MTMR14: variants seen among roughly 807,000 people sequenced by gnomAD.
MTMR14 encodes phosphatidylinositol-3,5-bisphosphate 3-phosphatase MTMR14.
MTMR14 carries 48 observed loss-of-function variants against 86.3 expected under a neutral mutation model. That is an observed-to-expected ratio of 0.56 (90% CI 0.44 to 0.71). The LOEUF (loss-of-function observed/expected upper bound fraction) is 0.71. MTMR14 is among the 30% of genes least tolerant of loss of function. The probability of loss-of-function intolerance (pLI) is 0.00; values close to 1 mark genes in which losing one functional copy is unlikely to be tolerated. For missense variants in MTMR14, 780 were observed against 834.6 expected (o/e 0.93, Z 0.81); for synonymous variants, 366 against 326.1 (o/e 1.12, Z -1.32).
Position 9,702,156 on chromosome 3 carries a change from C to CAAGAGGCTGGGGGT in MTMR14, c.*183_*184insAAGAGGCTGGGGGT. ...AAGACAGGGTTTTCCAACCCCCAGC[C>CAAGAGGCTGGGGGT]TCTTGACTGGTGACCACCACCCCTT... On this transcript the variant is annotated 3_prime_UTR_variant, in exon 19 of 19. Transcript: ENST00000296003. 1.4e-6 allele frequency: 1 copy of CAAGAGGCTGGGGGT among 735,544 alleles called. No individual in the cohort carries two copies. The highest frequency in any genetic ancestry group is 2.3e-6 in the Non-Finnish European group (1 of 434,238). 45.6% of individuals were successfully genotyped at this position (735,544 alleles called of 1,614,324 possible). A position where few individuals can be genotyped will look rare whatever the true frequency, so the allele number is the denominator to read the frequency against.
In MTMR14 at chr3:9,697,729, G is replaced by C; in HGVS notation, c.1632G>C (p.Leu544=). ...GCCCCAGATCAGTGGACCATCCCCT[G>C]CCCGGATCCTCTCTCTCCACAGACT... ...VPKPRSVDHP[L]PGSSLSTDYG... The change falls in exon 18 of 19, where the codon CTG becomes CTC. Residue 544 remains leucine, a synonymous_variant. Coordinates refer to ENST00000296003, the MANE Select transcript of MTMR14 (RefSeq NM_001077525.3). 1 of 1,614,060 alleles carries C rather than the reference G, an allele frequency of 6.2e-7. No homozygotes were observed. The highest frequency in any genetic ancestry group is 1.7e-5 in the Admixed American group (1 of 60,004).
chr3:9,685,144 G>A (rs1007674050), intron 12 of MTMR14, 67 bp from the exon 13 acceptor site: 3 of 1,604,760 alleles, frequency 1.9e-6, no homozygotes, highest in Non-Finnish European at 1.7e-6. Context: ...TGTGTCTGGT[G>A]ACCCTGTCCT....
intron 10 of MTMR14, 131 bp downstream of exon 10, chr3:9,683,375 T>G (rs988462168): frequency 7.1e-6 from 6 of 845,622 alleles, no homozygotes; most frequent in Non-Finnish European, 1.2e-5. Context: ...ATTTGGGGAG[T>G]TCCTAGAATC....
intron 9 of MTMR14, among the ~76,000 whole-genome samples, chr3:9,679,666 C>A (rs1029976520): frequency 6.6e-6 from 1 of 152,220 alleles, no homozygotes; most frequent in Admixed American, 6.5e-5. Flanking sequence ...AACAGATGAC[C>A]TCACTTCCCC....
In MTMR14 at chr3:9,687,985, C is replaced by A. The variant is rs949730897; in HGVS notation, c.1235+94C>A. ...AGAGGCTGACCACCTCATTCCCGCC[C>A]TGCCTCCCTGCTTGTTGGGCTGGTG... On this transcript the variant is annotated intron_variant, in intron 14 of 18. Coordinates refer to ENST00000296003, the MANE Select transcript of MTMR14 (RefSeq NM_001077525.3). 8.5e-6 allele frequency: 9 copies of A among 1,059,570 alleles called. No individual in the cohort carries two copies. The Admixed American group carries it at 1.2e-4, about 14-fold the overall frequency. The allele number at this position is 1,059,570 out of a possible 1,614,324, so 65.6% of individuals were successfully genotyped here.
chr3:9,653,542 T>TC (rs2047429532), intron 1 of MTMR14, 79 bp from the exon 2 acceptor site: 1 of 1,583,892 alleles, frequency 6.3e-7, no homozygotes, highest in Non-Finnish European at 8.7e-7. Context: ...CCCAGTGACC[T>TC]CTTAGGCCAT....
At chr3:9,659,503 G>T (rs537755987) in intron 2 of MTMR14, 55 of 326,184 alleles carry the variant, frequency 1.7e-4, no homozygotes, top group South Asian at 1.3e-3. Context: ...GAGTGCAGTG[G>T]CGTGATCTCT....
intron 7 of MTMR14, among the ~76,000 whole-genome samples, chr3:9,674,387 A>G (rs569098409): frequency 6.6e-6 from 1 of 152,346 alleles, no homozygotes; most frequent in South Asian, 2.1e-4. Context: ...GACGTTCATC[A>G]TGATGTCTAT....
chr3:9,672,456 G>T (rs1236185832), intron 6 of MTMR14, among the ~76,000 whole-genome samples: 1 of 152,172 alleles, frequency 6.6e-6, no homozygotes, highest in Non-Finnish European at 1.5e-5. Flanking sequence ...GTCCAGGCTG[G>T]TCTTGACGGG....
At chr3:9,671,828 T>C (rs2048581149) in intron 6 of MTMR14, among the ~76,000 whole-genome samples, 1 of 152,196 alleles carries the variant, frequency 6.6e-6, no homozygotes, top group Non-Finnish European at 1.5e-5. Context: ...AAATTTTGTT[T>C]TTTAAATGAT....
chr3:9,686,177 G>A lies in MTMR14; in HGVS notation c.1164+930G>A, dbSNP rs555577428. On this transcript the variant is annotated intron_variant, in intron 13 of 18. Transcript: ENST00000296003. ...AAATCTCTTCTTCTGAACACTTATC[G>A]CGTCTGCCAGGGCTGTAGAGCTCTA... Among the ~76,000 whole-genome samples, 258 of 152,170 alleles carry A rather than the reference G, an allele frequency of 1.7e-3. 2 individuals are homozygous for A. The highest frequency in any genetic ancestry group is 3.2e-3 in the Non-Finnish European group (215 of 68,018).
intron 3 of MTMR14, among the ~76,000 whole-genome samples, chr3:9,666,169 C>T (rs1432061682): frequency 8.4e-5 from 12 of 142,018 alleles, no homozygotes; most frequent in Non-Finnish European, 1.7e-4. Context: ...AGTCTCTCTC[C>T]GTTGCCCAAG....
intron 13 of MTMR14, among the ~76,000 whole-genome samples, chr3:9,686,053 C>A (rs540293262): frequency 2.8e-4 from 43 of 152,294 alleles, no homozygotes; most frequent in African/African-American, 1.0e-3. Flanking sequence ...AAGTGTGTTT[C>A]TCATCTTTCT....
intron 17 of MTMR14, among the ~76,000 whole-genome samples, chr3:9,696,165 T>C (rs1575087361): frequency 1.3e-5 from 2 of 152,350 alleles, no homozygotes; most frequent in East Asian, 3.9e-4. Flanking sequence ...CCAAGGTGGT[T>C]CTGTTTCAGG....
At position 9,649,766 on chromosome 3, in the gene MTMR14, T is replaced by C. The variant is rs776445144; in HGVS notation, c.159+24T>C. 3.1e-6 allele frequency: 5 copies of C among 1,612,254 alleles called. No individual in the cohort carries two copies. In the Middle Eastern group the frequency reaches 6.6e-4, roughly 213 times the overall value. On this transcript the variant is annotated intron_variant, in intron 1 of 18. Coordinates refer to ENST00000296003, the MANE Select transcript of MTMR14 (RefSeq NM_001077525.3). ...AGGTGAGATTGGAGGTGCGATGAGC[T>C]GGGGAAGGCTCCTAACTTGGGAAGT...
intron 11 of MTMR14, 26 bp downstream of exon 11, chr3:9,684,696 GCTCT>G (rs768433096): frequency 1.1e-4 from 173 of 1,612,982 alleles, no homozygotes; most frequent in Non-Finnish European, 1.4e-4. Flanking sequence ...CCCCTACCAA[GCTCT>G]GCTCTTTGGG....
intron 1 of MTMR14, among the ~76,000 whole-genome samples, chr3:9,652,206 C>G (rs2047342352): frequency 6.6e-6 from 1 of 152,060 alleles, no homozygotes; most frequent in Non-Finnish European, 1.5e-5. Flanking sequence ...CAGAAGTGAT[C>G]TGCCCTCCTC....
At chr3:9,666,648 C>A (rs2048268626) in intron 3 of MTMR14, among the ~76,000 whole-genome samples, 1 of 152,200 alleles carries the variant, frequency 6.6e-6, no homozygotes, top group Non-Finnish European at 1.5e-5. Flanking sequence ...ACCATTTTCT[C>A]CCCAAACACT....
rs2125273945 is a variant in MTMR14 at position 9,684,970 on chromosome 3, C to T, written c.1127+6C>T. 6.2e-7 allele frequency: 1 copy of T among 1,613,964 alleles called. No homozygotes were observed. The highest frequency in any genetic ancestry group is 8.5e-7 in the Non-Finnish European group (1 of 1,179,900). On this transcript the variant is annotated splice_donor_region_variant and intron_variant, in intron 12 of 18. Transcript: ENST00000296003. ...TATGACTGGTTCCTCTTCGGGTAAG[C>T]CTTTGCAGGAGTTGGGTTTTGGGGC... is the stretch of plus-strand genomic sequence containing the variant.
Sources: allele counts gnomAD v4.1 joint callset (sites outside exome capture counted in the v4.1 genomes callset), GRCh38; gene constraint gnomAD v4.1.1; transcripts MANE v1.5; gene names NCBI Gene and HGNC (gene_info 2026-07-23, HGNC 2026-07-21).